HMCES: variants seen among roughly 807,000 people sequenced by gnomAD.
HMCES encodes the protein 5-hydroxymethylcytosine binding, ES cell specific, also known as abasic site processing protein HMCES.
Under a neutral mutation model 35.1 loss-of-function variants are expected in HMCES, and 27 were observed. The observed-to-expected ratio is 0.77, with a 90% confidence interval of 0.57 to 1.06. The LOEUF is 1.06. Ranked by LOEUF, HMCES falls within the 50% of genes least tolerant of loss-of-function variation. The pLI, the probability that HMCES is intolerant of heterozygous loss-of-function variation, is 0.00. For synonymous variants in HMCES, 130 were observed against 154.7 expected (o/e 0.84, Z 1.18); for missense variants, 391 against 430.4 (o/e 0.91, Z 0.81).
Position 129,298,411 on chromosome 3 carries a change from T to G in HMCES, c.511T>G (p.Trp171Gly), listed in dbSNP as rs537793597. The G allele has an allele frequency of 7.4e-6, 12 of 1,614,156 alleles. No homozygotes were observed. In the South Asian group the frequency reaches 1.2e-4, roughly 16 times the overall value. ...GAACTGGGAGAAAGTCTGGGACAAC[T>G]GGAGGCTGCTGACAATGGCCGGGAT... ...PENWEKVWDNWRLLTMAGIFD... is the reference protein window; with the variant it reads ...PENWEKVWDNGRLLTMAGIFD... Residue 171 changes from tryptophan to glycine, a missense_variant, in exon 5 of 7, where the codon TGG (tryptophan) becomes GGG (glycine). Coordinates refer to ENST00000383463, the MANE Select transcript of HMCES (RefSeq NM_020187.3).
intron 5 of HMCES, among the ~76,000 whole-genome samples, chr3:129,301,217 A>AC (rs2071164569): frequency 7.3e-6 from 1 of 137,870 alleles, no homozygotes; most frequent in Non-Finnish European, 1.5e-5. Flanking sequence ...GAAGAAAAAA[A>AC]AAAAAATATG....
intron 2 of HMCES, among the ~76,000 whole-genome samples, chr3:129,286,521 G>A (rs889121045): frequency 2.6e-5 from 4 of 152,178 alleles, no homozygotes; most frequent in Non-Finnish European, 5.9e-5. Flanking sequence ...AGGAGTGTCA[G>A]ATTTTGCAAC....
In HMCES at chr3:129,302,153, G is replaced by T. The variant is rs1427374008; in HGVS notation, c.828+11G>T. The T allele has an allele frequency of 6.2e-7, 1 of 1,606,300 alleles. No individual in the cohort carries two copies. The highest frequency in any genetic ancestry group is 8.5e-7 in the Non-Finnish European group (1 of 1,176,378). On this transcript the variant is annotated intron_variant, in intron 6 of 6. Transcript: ENST00000383463. Reference sequence around the variant, plus strand: ...TTGGTGGTCAAAAAGGTAGGGGCCTGTGACTGGTACAGTCCTTTTTGAGCT... The same window carrying T: ...TTGGTGGTCAAAAAGGTAGGGGCCTTTGACTGGTACAGTCCTTTTTGAGCT...
chr3:129,288,821 T>G, intron 2 of HMCES, 33 bp from the exon 3 acceptor site: 1 of 1,424,340 alleles, frequency 7.0e-7, no homozygotes, highest in Non-Finnish European at 9.4e-7. Flanking sequence ...AATTTCATTA[T>G]GATCTCCTCA....
intron 2 of HMCES, among the ~76,000 whole-genome samples, chr3:129,283,762 G>A (rs186250521): frequency 2.1e-3 from 316 of 152,120 alleles, no homozygotes; most frequent in African/African-American, 6.8e-3. Flanking sequence ...CGTGGGAGGC[G>A]GAGGTTGCAG....
At chr3:129,294,620 A>G (rs1220090309) in intron 4 of HMCES, among the ~76,000 whole-genome samples, 1 of 152,154 alleles carries the variant, frequency 6.6e-6, no homozygotes, top group African/African-American at 2.4e-5. Context: ...CTTACAATAC[A>G]TTGCTATTTT....
At chr3:129,303,249 T>C (rs1384146202) in intron 6 of HMCES, among the ~76,000 whole-genome samples, 1 of 152,178 alleles carries the variant, frequency 6.6e-6, no homozygotes, top group Non-Finnish European at 1.5e-5. Flanking sequence ...TTAGGTGGCA[T>C]GGAGGGACTT....
At position 129,305,566 on chromosome 3, in the gene HMCES, G is replaced by A. The variant is rs28509338; in HGVS notation, c.*741G>A. The A allele has an allele frequency of 6.6e-5, 10 of 152,324 alleles. No homozygotes were observed. In the South Asian group the frequency reaches 2.1e-3, roughly 32 times the overall value. The allele number at this position is 152,324 out of a possible 1,614,324, so 9.4% of individuals were successfully genotyped here. ...AAACTATCCTTACCACAGGTGGGAA[G>A]GAAAGGACCAGTTTCTAGCAGTGTC... On this transcript the variant is annotated 3_prime_UTR_variant, in exon 7 of 7. Transcript: ENST00000383463.
intron 3 of HMCES, 131 bp from the exon 4 acceptor site, chr3:129,290,546 AGT>A: frequency 1.2e-6 from 1 of 821,892 alleles, no homozygotes; most frequent in East Asian, 2.8e-5. Context: ...GGCCGCCCAA[AGT>A]GTTGGGATTA....
intron 4 of HMCES, among the ~76,000 whole-genome samples, chr3:129,297,340 C>T (rs1352171012): frequency 6.6e-6 from 1 of 152,060 alleles, no homozygotes; most frequent in Non-Finnish European, 1.5e-5. Flanking sequence ...GGGGCTTTTT[C>T]TTTTTCTCCT....
At chr3:129,286,684 T>G (rs1458257300) in intron 2 of HMCES, among the ~76,000 whole-genome samples, 1 of 152,242 alleles carries the variant, frequency 6.6e-6, no homozygotes, top group African/African-American at 2.4e-5. Context: ...ATCCTTGCTT[T>G]TTTTCATCCA....
chr3:129,301,860 T>C (rs2071172837), intron 5 of HMCES, 90 bp from the exon 6 acceptor site: 3 of 1,032,720 alleles, frequency 2.9e-6, no homozygotes, highest in African/African-American at 1.6e-5. Flanking sequence ...CCTTGTGATA[T>C]TTGAGGTATC....
rs2071217505 is a variant in HMCES, at chr3:129,304,945, T to C, written c.*120T>C. 3 of 794,134 alleles carry C rather than the reference T, an allele frequency of 3.8e-6. No individual in the cohort carries two copies. The highest frequency in any genetic ancestry group is 3.4e-5 in the South Asian group (2 of 58,860). The allele number at this position is 794,134 out of a possible 1,614,324, so 49.2% of individuals were successfully genotyped here. ...GAGGTGGCACTGTGTTAGTTGACAG[T>C]TGTGGGCTCATGTAGTCTTTTTTGC... On this transcript the variant is annotated 3_prime_UTR_variant, in exon 7 of 7. Transcript: ENST00000383463.
At chr3:129,296,888 G>A (rs1323593782) in intron 4 of HMCES, among the ~76,000 whole-genome samples, 1 of 152,082 alleles carries the variant, frequency 6.6e-6, no homozygotes, top group African/African-American at 2.4e-5. Flanking sequence ...ACAGGCGCCC[G>A]TCACCAGGCC....
At chr3:129,298,581 G>T (rs1417976527) in intron 5 of HMCES, 46 bp downstream of exon 5, 2 of 1,547,192 alleles carry the variant, frequency 1.3e-6, no homozygotes, top group African/African-American at 1.4e-5. Flanking sequence ...TCCAAAAGAT[G>T]ATTTGTCCTC....
chr3:129,291,620 C>T (rs1212847967), intron 4 of HMCES, among the ~76,000 whole-genome samples: 1 of 152,174 alleles, frequency 6.6e-6, no homozygotes. Context: ...TTGATAGACA[C>T]TTGGATTGTT....
intron 5 of HMCES, among the ~76,000 whole-genome samples, chr3:129,300,399 A>C (rs575059166): frequency 1.8e-4 from 27 of 152,284 alleles, no homozygotes; most frequent in Middle Eastern, 3.4e-3. Context: ...ATTGCTCTCT[A>C]CTGTATCAGT....
chr3:129,292,462 A>G (rs530290857), intron 4 of HMCES, among the ~76,000 whole-genome samples: 2 of 149,946 alleles, frequency 1.3e-5, no homozygotes, highest in Admixed American at 1.3e-4. Context: ...ACTGCACTCC[A>G]GCCTGGGTAA....
rs1247664302 is a variant in HMCES, at chr3:129,279,041, G to C, written c.-24+136G>C. 2.6e-5 allele frequency: 4 copies of C among 152,048 alleles called. No homozygotes were observed. The highest frequency in any genetic ancestry group is 5.9e-5 in the Non-Finnish European group (4 of 68,352). 9.4% of individuals were successfully genotyped at this position (152,048 alleles called of 1,614,324 possible). On this transcript the variant is annotated intron_variant, in intron 1 of 6. Transcript: ENST00000383463. The surrounding 1 kb of genome is among the most constrained non-coding windows in gnomAD (Gnocchi z 4.2). ...CGACGCGGAGAGGGCGGCCTGGGCC[G>C]AAGTGAGGCGACGCGGGGCGGCGGA...
Sources: gnomAD v4.1 joint callset for allele counts (sites outside exome capture counted in the v4.1 genomes callset) on GRCh38, gnomAD v4.1.1 for gene constraint, Gnocchi (gnomAD v3.1) non-coding constraint, MANE v1.5 for transcripts, NCBI Gene and HGNC (gene_info 2026-07-23, HGNC 2026-07-21) for gene names.